Variants in VAV1 observed in about 807,000 individuals in gnomAD.
The protein encoded by VAV1 is proto-oncogene vav.
Under a neutral mutation model 128.1 loss-of-function variants are expected in VAV1, and 33 were observed. The ratio of observed to expected loss-of-function variants is 0.26; its 90% CI spans 0.20 to 0.34. The LOEUF (loss-of-function observed/expected upper bound fraction) is 0.34, where lower values mean the gene tolerates loss of function less well. Ranked by LOEUF, VAV1 falls within the 10% of genes least tolerant of loss-of-function variation. VAV1 has a pLI of 1.00. For synonymous variants in VAV1, 394 were observed against 409.8 expected (o/e 0.96, Z 0.47); for missense variants, 715 against 1,093.7 (o/e 0.65, Z 4.88).
At chr19:6,779,278 C>T (rs1179810950) in intron 1 of VAV1, among the ~76,000 whole-genome samples, 1 of 150,516 alleles carries the variant, frequency 6.6e-6, no homozygotes, top group Non-Finnish European at 1.5e-5. Flanking sequence ...TCTTGAACTC[C>T]TGGCCTCAAG....
rs62123066 is a variant in VAV1 at position 6,836,245 on chromosome 19, T to C, written c.1778-187T>C. 1.5e-3 allele frequency: 1,059 copies of C among 699,726 alleles called. 2 individuals are homozygous for C. Among genetic ancestry groups the C allele is most frequent in the Non-Finnish European group, 2.2e-3 (945 of 435,700 alleles). 43.3% of individuals were successfully genotyped at this position (699,726 alleles called of 1,614,324 possible). A position where few individuals can be genotyped will look rare whatever the true frequency, so the allele number is the denominator to read the frequency against. Reference sequence around the variant, plus strand: ...ATACAATGTTTAGCTTCAGTAGATATTGCCAAATAGTTTTACAAAGAGTAT... The same window carrying C: ...ATACAATGTTTAGCTTCAGTAGATACTGCCAAATAGTTTTACAAAGAGTAT... On this transcript the variant is annotated intron_variant, in intron 19 of 26. Transcript: ENST00000602142.
chr19:6,814,675 T>TTTCTTTCTTCCTTC (rs1568299213), intron 1 of VAV1, among the ~76,000 whole-genome samples: 1 of 77,146 alleles, frequency 1.3e-5, no homozygotes, highest in African/African-American at 7.9e-5. Flanking sequence ...TTCCTTCCTT[T>TTTCTTTCTTCCTTC]CTTTCTTTCT....
chr19:6,839,412 G>A (rs538731183), intron 21 of VAV1, among the ~76,000 whole-genome samples: 3 of 151,802 alleles, frequency 2.0e-5, no homozygotes, highest in South Asian at 4.2e-4. Context: ...GATTACAGGC[G>A]TGCACCACCA....
intron 1 of VAV1, among the ~76,000 whole-genome samples, chr19:6,818,724 G>A (rs8105950): frequency 6.6e-6 from 1 of 152,090 alleles, no homozygotes; most frequent in Non-Finnish European, 1.5e-5. Flanking sequence ...GTAAACTAGG[G>A]TGCAGGCAGG....
intron 23 of VAV1, among the ~76,000 whole-genome samples, chr19:6,848,951 A>T (rs567409859): frequency 1.3e-5 from 2 of 150,864 alleles, no homozygotes; most frequent in Admixed American, 6.6e-5. Context: ...GCACCACCAC[A>T]TCCAGCTAAT....
At chr19:6,796,458 T>C (rs1971138467) in intron 1 of VAV1, among the ~76,000 whole-genome samples, 1 of 151,998 alleles carries the variant, frequency 6.6e-6, no homozygotes, top group Non-Finnish European at 1.5e-5. Context: ...TCGCTTACTC[T>C]GCTCCAGGCA....
intron 25 of VAV1, 82 bp downstream of exon 25, chr19:6,853,161 C>T (rs937985675): frequency 7.3e-6 from 9 of 1,236,614 alleles, no homozygotes; most frequent in Admixed American, 1.9e-5. Flanking sequence ...ATTGACACCC[C>T]TTCCAATGGC....
chr19:6,803,128 C>T (rs1028398421), intron 1 of VAV1, among the ~76,000 whole-genome samples: 18 of 152,220 alleles, frequency 1.2e-4, no homozygotes, highest in African/African-American at 4.3e-4. Flanking sequence ...AATTCCAGGG[C>T]GAGCTGGAGG....
intron 1 of VAV1, among the ~76,000 whole-genome samples, chr19:6,776,043 A>G (rs1460968691): frequency 6.7e-6 from 1 of 148,876 alleles, no homozygotes; most frequent in Non-Finnish European, 1.5e-5. Flanking sequence ...TATCCCTCCA[A>G]TTATCCATCC....
chr19:6,833,300 G>T lies in VAV1; in HGVS notation c.1610+15G>T, dbSNP rs748677954. 1 of 1,602,972 alleles carries T rather than the reference G, an allele frequency of 6.2e-7. No individual in the cohort carries two copies. Among genetic ancestry groups the T allele is most frequent in the East Asian group, 2.2e-5 (1 of 44,808 alleles). On this transcript the variant is annotated intron_variant, in intron 16 of 26. Transcript: ENST00000602142. ...ATGCTGCTTAGGTGAGAATCTGGGA[G>T]GAGGGTCCTGCATACCGGACTTGGT...
At position 6,833,890 on chromosome 19, in the gene VAV1, CT is replaced by C; in HGVS notation, c.1732-15del. 1 of 1,614,064 alleles carries C rather than the reference CT, an allele frequency of 6.2e-7. No homozygotes were observed. Among genetic ancestry groups the C allele is most frequent in the Non-Finnish European group, 8.5e-7 (1 of 1,180,018 alleles). ...GGCTGGGCATAGGTAGACAGGCTTT[CT>C]TTGTTTCTCCTTCCAGGACAAACTA... On this transcript the variant is annotated splice_polypyrimidine_tract_variant and intron_variant, in intron 18 of 26. Coordinates refer to ENST00000602142, the MANE Select transcript of VAV1 (RefSeq NM_005428.4).
chr19:6,798,663 C>CCA (rs1555699516), intron 1 of VAV1, among the ~76,000 whole-genome samples: 4 of 151,216 alleles, frequency 2.6e-5, no homozygotes, highest in Admixed American at 6.6e-5. Context: ...TCCCCTTCCC[C>CCA]CCCCCACCCA....
chr19:6,837,079 G>C (rs1392685731), intron 21 of VAV1, 29 bp downstream of exon 21: 1 of 1,612,066 alleles, frequency 6.2e-7, no homozygotes, highest in Non-Finnish European at 8.5e-7. Flanking sequence ...AATGGAATAA[G>C]GGCAAGGGGT....
chr19:6,811,887 C>T (rs1431967875), intron 1 of VAV1, among the ~76,000 whole-genome samples: 2 of 152,156 alleles, frequency 1.3e-5, no homozygotes, highest in Non-Finnish European at 2.9e-5. Flanking sequence ...AGTTCCAGGT[C>T]GGGGGGCTTT....
At chr19:6,824,129 T>C (rs990759184) in intron 6 of VAV1, among the ~76,000 whole-genome samples, 1 of 151,780 alleles carries the variant, frequency 6.6e-6, no homozygotes. Context: ...TTTGTAGATA[T>C]GGGGTCTTGC....
intron 21 of VAV1, among the ~76,000 whole-genome samples, chr19:6,841,474 TTTTC>T (rs1972375298): frequency 1.3e-5 from 1 of 79,786 alleles, no homozygotes; most frequent in South Asian, 6.0e-4. Context: ...ACTATTTTTC[TTTTC>T]TTTTTTTTTT....
chr19:6,789,770 G>A (rs1970976988), intron 1 of VAV1, among the ~76,000 whole-genome samples: 1 of 151,442 alleles, frequency 6.6e-6, no homozygotes, highest in South Asian at 2.1e-4. Context: ...GCTAATTTTT[G>A]TATTTTTTAG....
chr19:6,782,702 G>C (rs1970791279), intron 1 of VAV1, among the ~76,000 whole-genome samples: 1 of 152,010 alleles, frequency 6.6e-6, no homozygotes, highest in Non-Finnish European at 1.5e-5. Context: ...CAACATACAA[G>C]ATCCCCATCT....
rs540511558 is a variant in VAV1, at chr19:6,826,156, G to A, written c.828-456G>A. On this transcript the variant is annotated intron_variant, in intron 8 of 26. Transcript: ENST00000602142. This position sits in a 1 kb window ranked among gnomAD's most constrained non-coding sequence, Gnocchi z 4.1. ...AGTTCGAGACCAGCCTGGCCAACAT[G>A]GCAAAACCCCGTCTCTACTAAAAAT... 6.6e-6 allele frequency among the ~76,000 whole-genome samples: 1 copy of A among 152,080 alleles called. No individual in the cohort carries two copies. Among genetic ancestry groups the A allele is most frequent in the Non-Finnish European group, 1.5e-5 (1 of 67,984 alleles).
Sources: gnomAD v4.1 joint callset for allele counts (sites outside exome capture counted in the v4.1 genomes callset) on GRCh38, gnomAD v4.1.1 for gene constraint, Gnocchi (gnomAD v3.1) non-coding constraint, MANE v1.5 for transcripts, NCBI Gene and HGNC (gene_info 2026-07-23, HGNC 2026-07-21) for gene names.